Variants in CEP192 observed in about 807,000 individuals in gnomAD.
The protein encoded by CEP192 is centrosomal protein 192.
In CEP192, 151 loss-of-function variants were observed where a neutral mutation model predicts 271.8. The observed-to-expected ratio is 0.56, with a 90% CI of 0.49 to 0.64. CEP192 has a LOEUF of 0.64. Ranked by LOEUF, CEP192 falls within the 30% of genes least tolerant of loss-of-function variation. The probability of loss-of-function intolerance (pLI) is 0.00; values close to 1 mark genes in which losing one functional copy is unlikely to be tolerated. For missense variants in CEP192, 2,910 were observed against 3,020.5 expected, an observed-to-expected ratio of 0.96 and a Z score of 0.86; for synonymous variants, 995 against 1,076.5, an observed-to-expected ratio of 0.92 and a Z score of 1.48.
In CEP192 at chr18:13,070,995, G is replaced by T. The variant is rs762332858; in HGVS notation, c.5175-44G>T. The stretch of plus-strand genomic sequence containing the variant: ...AACATATAGGAAATAGTTGCGAAAA[G>T]AATTGAATACAGGACCTTCAACTTA... On this transcript the variant is annotated intron_variant, in intron 27 of 44. Coordinates refer to ENST00000506447, the MANE Select transcript of CEP192 (RefSeq NM_032142.4). 3 of 1,534,678 alleles carry T rather than the reference G, an allele frequency of 2.0e-6. No homozygotes were observed. The South Asian group carries it at 3.4e-5, about 17-fold the overall frequency.
chr18:13,023,095 A>G (rs961683014), intron 9 of CEP192, among the ~76,000 whole-genome samples: 4 of 152,196 alleles, frequency 2.6e-5, no homozygotes, highest in Admixed American at 1.3e-4. Flanking sequence ...GATTTTCTGC[A>G]TAGATAATCA....
rs7228940 is a variant in CEP192, at chr18:13,068,110, G to A, written c.4631G>A (p.Arg1544His). ...TCTAAACAGAACGCTGTAGCCTGGC[G>A]CTGTTTCACGTTTTCCAAGGAATCC... is the stretch of plus-strand genomic sequence containing the variant. ...LIINANAVAWRCFTFSKESVR... is the reference protein window; with the variant it reads ...LIINANAVAWHCFTFSKESVR... Residue 1544 changes from arginine to histidine, a missense_variant, in exon 23 of 45, where the codon CGC becomes CAC. Arg to His is a conservative substitution (Grantham distance 29, BLOSUM62 0). Coordinates refer to ENST00000506447, the MANE Select transcript of CEP192 (RefSeq NM_032142.4). The A allele has an allele frequency of 0.14, 218,245 of 1,613,720 alleles. 16,477 individuals are homozygous for A. The highest frequency in any genetic ancestry group is 0.29 in the East Asian group (12,915 of 44,878).
At position 13,052,943 on chromosome 18, in the gene CEP192, A is replaced by G. The variant is rs753533674; in HGVS notation, c.3042A>G (p.Ser1014=). ...GGTGTGCGTTAGAGTCCTTTGGTTCAGCAGCTCAGCAGCAGCAGCCTCCCT... is the reference window on the plus strand; with the variant it reads ...GGTGTGCGTTAGAGTCCTTTGGTTCGGCAGCTCAGCAGCAGCAGCCTCCCT... ...SSGCALESFG[S]AAQQQQPPCE... is the part of the protein sequence containing the mutation. Residue 1014 remains serine, a synonymous_variant, in exon 18 of 45, where the codon TCA becomes TCG. Transcript: ENST00000506447. The G allele has an allele frequency of 1.9e-6, 3 of 1,610,712 alleles. No individual in the cohort carries two copies. Among genetic ancestry groups the G allele is most frequent in the Non-Finnish European group, 2.5e-6 (3 of 1,178,172 alleles).
chr18:12,998,557 A>G (rs1298495990), intron 1 of CEP192, among the ~76,000 whole-genome samples: 1 of 152,222 alleles, frequency 6.6e-6, no homozygotes, highest in African/African-American at 2.4e-5. Flanking sequence ...GATATGCAAT[A>G]AAATTTAATT....
intron 21 of CEP192, among the ~76,000 whole-genome samples, chr18:13,060,521 A>G (rs1238931355): frequency 6.6e-6 from 1 of 152,152 alleles, no homozygotes; most frequent in East Asian, 1.9e-4. Flanking sequence ...GCTATATCAC[A>G]AGGTGTTAGG....
At chr18:13,053,720 C>T (rs150487518) in intron 18 of CEP192, among the ~76,000 whole-genome samples, 127 of 152,204 alleles carry the variant, frequency 8.3e-4, no homozygotes, top group African/African-American at 3.0e-3. Context: ...GAGACGATCT[C>T]GCTCTGTCAC....
At chr18:13,085,634 C>G (rs993236897) in intron 30 of CEP192, among the ~76,000 whole-genome samples, 7 of 152,206 alleles carry the variant, frequency 4.6e-5, no homozygotes, top group African/African-American at 1.7e-4. Flanking sequence ...TTTCCTAACA[C>G]CATTTATTAA....
Position 13,040,847 on chromosome 18 carries a change from T to C in CEP192, c.1827T>C (p.Phe609=). The change falls in exon 14 of 45, where the codon TTT becomes TTC. Residue 609 remains phenylalanine, a synonymous_variant. Coordinates refer to ENST00000506447, the MANE Select transcript of CEP192 (RefSeq NM_032142.4). ...TTTTGTAGCCATCATTTGGCTATTT[T>C]ATTAGATCACCAGAGAAGAGAGAAC... ...NNVKRPSFGY[F]IRSPEKREPI... 1 of 1,587,488 alleles carries C rather than the reference T, an allele frequency of 6.3e-7. No homozygotes were observed. The highest frequency in any genetic ancestry group is 8.6e-7 in the Non-Finnish European group (1 of 1,166,526).
At position 13,072,967 on chromosome 18, in the gene CEP192, C is replaced by T. The variant is rs751642249; in HGVS notation, c.5440-42C>T. On this transcript the variant is annotated intron_variant, in intron 29 of 44. Coordinates refer to ENST00000506447, the MANE Select transcript of CEP192 (RefSeq NM_032142.4). ...GTGTTAATGGTATGTTTTATTTGTG[C>T]TACTGCTTTGTTTTATGCATTTAAC... 10 of 1,575,258 alleles carry T rather than the reference C, an allele frequency of 6.3e-6. No homozygotes were observed. In the East Asian group the frequency reaches 2.0e-4, roughly 32 times the overall value.
At chr18:13,002,889 A>G (rs535061927) in intron 3 of CEP192, among the ~76,000 whole-genome samples, 16 of 152,278 alleles carry the variant, frequency 1.1e-4, no homozygotes, top group African/African-American at 3.4e-4. Flanking sequence ...GCCTTTATAT[A>G]TAAGTGCTTT....
At chr18:13,114,278 GT>G (rs1285579758) in intron 42 of CEP192, 27 bp downstream of exon 42, 9 of 1,607,068 alleles carry the variant, frequency 5.6e-6, no homozygotes, top group Non-Finnish European at 7.6e-6. Flanking sequence ...ATTCTTATGA[GT>G]TTTTTCCCAG....
At chr18:13,107,657 G>A (rs1240262129) in intron 40 of CEP192, among the ~76,000 whole-genome samples, 1 of 152,144 alleles carries the variant, frequency 6.6e-6, no homozygotes, top group African/African-American at 2.4e-5. Context: ...TATGCCCAAG[G>A]TATGTATGAT....
intron 9 of CEP192, 93 bp downstream of exon 9, chr18:13,019,299 A>T (rs1470094239): frequency 9.3e-7 from 1 of 1,072,650 alleles, no homozygotes; most frequent in Non-Finnish European, 1.2e-6. Flanking sequence ...AAGAAACAGT[A>T]ACTGTTGACT....
chr18:13,084,916 C>T (rs1568392699), intron 30 of CEP192, among the ~76,000 whole-genome samples: 1 of 151,590 alleles, frequency 6.6e-6, no homozygotes, highest in Non-Finnish European at 1.5e-5. Context: ...CGGGTTCAAG[C>T]GATTCTCCTG....
chr18:13,095,397 T>G, intron 34 of CEP192, 106 bp from the exon 35 acceptor site: 1 of 863,216 alleles, frequency 1.2e-6, no homozygotes, highest in Non-Finnish European at 1.8e-6. Context: ...GTTTTTAGAT[T>G]TATGAAGAAT....
chr18:13,018,450 A>G (rs2034789078), intron 7 of CEP192, 30 bp from the exon 8 acceptor site: 3 of 1,396,480 alleles, frequency 2.1e-6, no homozygotes, highest in South Asian at 1.4e-5. Flanking sequence ...AATTTAAAAG[A>G]TTAATACAGC....
At chr18:13,032,141 G>A (rs951284597) in intron 11 of CEP192, among the ~76,000 whole-genome samples, 4 of 152,176 alleles carry the variant, frequency 2.6e-5, no homozygotes, top group African/African-American at 9.7e-5. Context: ...GGTAGTTAGG[G>A]TTGTTTGGGA....
At chr18:13,124,486 G>T in intron 44 of CEP192, 146 bp from the exon 45 acceptor site, 2 of 624,712 alleles carry the variant, frequency 3.2e-6, no homozygotes, top group Non-Finnish European at 5.0e-6. Context: ...TTAAATAATA[G>T]CATCCAAGAA....
chr18:13,030,758 G>A (rs1462588886), intron 11 of CEP192, 150 bp downstream of exon 11: 7 of 603,930 alleles, frequency 1.2e-5, no homozygotes, highest in African/African-American at 7.4e-5. Flanking sequence ...AGGACCCAAG[G>A]TTTTAGTTAG....
Sources: gnomAD v4.1 joint callset for allele counts (sites outside exome capture counted in the v4.1 genomes callset) on GRCh38, gnomAD v4.1.1 for gene constraint, MANE v1.5 for transcripts, NCBI Gene and HGNC (gene_info 2026-07-23, HGNC 2026-07-21) for gene names.